Variants in MNAT1 observed in about 807,000 individuals in gnomAD.
The protein encoded by MNAT1 is MNAT1 component of CDK activating kinase.
Under a neutral mutation model 42.0 loss-of-function variants are expected in MNAT1, and 43 were observed. The observed-to-expected ratio is 1.02, with a 90% confidence interval of 0.80 to 1.32. The LOEUF is 1.32. Ranked by LOEUF, MNAT1 falls within the 40% of genes most tolerant of loss-of-function variation. The probability of loss-of-function intolerance (pLI) is 0.00; values close to 1 mark genes in which losing one functional copy is unlikely to be tolerated. For synonymous variants in MNAT1, 118 were observed against 120.0 expected (o/e 0.98, Z 0.11); for missense variants, 306 against 350.4 (o/e 0.87, Z 1.01).
At chr14:60,937,056 C>T (rs1482122644) in intron 7 of MNAT1, among the ~76,000 whole-genome samples, 4 of 151,658 alleles carry the variant, frequency 2.6e-5, no homozygotes, top group East Asian at 1.9e-4. Flanking sequence ...ATCCTTCACC[C>T]ACTTGTTGAT....
At chr14:60,815,430 T>G (rs1163406773) in intron 5 of MNAT1, among the ~76,000 whole-genome samples, 1 of 152,186 alleles carries the variant, frequency 6.6e-6, no homozygotes, top group Non-Finnish European at 1.5e-5. Context: ...TTGGCCAGGC[T>G]GGTCATGAAC....
At chr14:60,926,238 AGGT>A (rs747914708) in intron 7 of MNAT1, among the ~76,000 whole-genome samples, 9 of 152,234 alleles carry the variant, frequency 5.9e-5, no homozygotes, top group Non-Finnish European at 1.0e-4. Context: ...TTCTGACGAC[AGGT>A]GTTGTGGGGT....
At chr14:60,951,193 TC>T (rs2036374897) in intron 7 of MNAT1, among the ~76,000 whole-genome samples, 1 of 151,730 alleles carries the variant, frequency 6.6e-6, no homozygotes, top group African/African-American at 2.4e-5. Flanking sequence ...ATCAAAAAAT[TC>T]TAAACTTAAT....
At chr14:60,836,928 A>G (rs1422781585) in intron 6 of MNAT1, among the ~76,000 whole-genome samples, 2 of 152,180 alleles carry the variant, frequency 1.3e-5, no homozygotes, top group Non-Finnish European at 2.9e-5. Context: ...TCTTTCAGAG[A>G]TACCCTGCCA....
chr14:60,899,237 T>C (rs1238066217), intron 7 of MNAT1, among the ~76,000 whole-genome samples: 1 of 152,224 alleles, frequency 6.6e-6, no homozygotes, highest in African/African-American at 2.4e-5. Context: ...TTCTGTCTTA[T>C]GTTGACATAA....
intron 1 of MNAT1, among the ~76,000 whole-genome samples, chr14:60,750,529 CTTTTTTT>C (rs775053270): frequency 4.2e-4 from 38 of 90,682 alleles, no homozygotes; most frequent in African/African-American, 1.0e-3. Flanking sequence ...TGCGCCCAGC[CTTTTTTT>C]TTTTTTTTTT....
Position 60,740,297 on chromosome 14 carries a change from A to C in MNAT1, c.89+5346A>C, listed in dbSNP as rs1896427970. Among the ~76,000 whole-genome samples the C allele has an allele frequency of 6.6e-6, 1 of 152,218 alleles. No homozygotes were observed. Among genetic ancestry groups the C allele is most frequent in the South Asian group, 2.1e-4 (1 of 4,832 alleles). ...CAAGTACCTACCATCTTGATATATA[A>C]AGGCAATGTTTTGTGATAGTTACTT... is the stretch of plus-strand genomic sequence containing the variant. On this transcript the variant is annotated intron_variant, in intron 1 of 7. Transcript: ENST00000261245. This position sits in a 1 kb window ranked among gnomAD's most constrained non-coding sequence, Gnocchi z 4.1.
chr14:60,923,103 C>G (rs980331084), intron 7 of MNAT1, among the ~76,000 whole-genome samples: 6 of 152,178 alleles, frequency 3.9e-5, no homozygotes, highest in African/African-American at 1.2e-4. Flanking sequence ...CAAATGTACA[C>G]TTTCCTGGAA....
Position 60,877,271 on chromosome 14 carries a change from C to T in MNAT1, c.688-2443C>T, listed in dbSNP as rs554978921. Among the ~76,000 whole-genome samples the T allele has an allele frequency of 5.3e-5, 8 of 152,042 alleles. No homozygotes were observed. In the East Asian group the frequency reaches 9.6e-4, roughly 18 times the overall value. On this transcript the variant is annotated intron_variant, in intron 6 of 7. Coordinates refer to ENST00000261245, the MANE Select transcript of MNAT1 (RefSeq NM_002431.4). ...TGGTGAAATCTCTGTTCAAATCCTT[C>T]GCCTGTTTTTGGTGAAGTACTTTTG...
At chr14:60,739,090 G>C (rs948926260) in intron 1 of MNAT1, among the ~76,000 whole-genome samples, 1 of 152,126 alleles carries the variant, frequency 6.6e-6, no homozygotes, top group Admixed American at 6.5e-5. Context: ...GGAGGCTTCA[G>C]TTCCTCCCCA....
chr14:60,960,604 T>C (rs920921313), intron 7 of MNAT1, among the ~76,000 whole-genome samples: 2 of 152,140 alleles, frequency 1.3e-5, no homozygotes, highest in African/African-American at 4.8e-5. Context: ...TTCCCTTCTT[T>C]CCTCTCCCAC....
intron 6 of MNAT1, among the ~76,000 whole-genome samples, chr14:60,878,136 A>G (rs1353236353): frequency 6.6e-6 from 1 of 152,146 alleles, no homozygotes; most frequent in African/African-American, 2.4e-5. Flanking sequence ...ATGTGAGGAT[A>G]GACTATGCTT....
intron 1 of MNAT1, among the ~76,000 whole-genome samples, chr14:60,745,480 G>A (rs4151161): frequency 0.015 from 2,334 of 152,218 alleles, 46 homozygotes; most frequent in African/African-American, 0.048. Context: ...GCAGTGGTGC[G>A]ATCTTGGCTC....
chr14:60,746,417 A>G (rs992514853), intron 1 of MNAT1, among the ~76,000 whole-genome samples: 2 of 151,750 alleles, frequency 1.3e-5, no homozygotes, highest in African/African-American at 4.8e-5. Flanking sequence ...CGGGAGGATG[A>G]GGCAGGAGAA....
rs3080602 is a variant in MNAT1 at position 60,942,003 on chromosome 14, C to CAAAA, written c.810-26200_810-26197dup. Among the ~76,000 whole-genome samples, 150 of 29,924 alleles carry CAAAA rather than the reference C, an allele frequency of 5.0e-3. 27 individuals carry two copies. Among genetic ancestry groups the CAAAA allele is most frequent in the Admixed American group, 7.0e-3 (10 of 1,428 alleles). 19.6% of individuals were successfully genotyped at this position (29,924 alleles called of 152,430 possible). A position where few individuals can be genotyped will look rare whatever the true frequency, so the allele number is the denominator to read the frequency against. ...TGGGCGACAGAATGAGGCTCCATCT[C>CAAAA]AAAAAAAAAAAAAAAAAAAAAAAAA... On this transcript the variant is annotated intron_variant, in intron 7 of 7. Transcript: ENST00000261245.
At chr14:60,834,180 G>A (rs1225396795) in intron 6 of MNAT1, among the ~76,000 whole-genome samples, 1 of 151,908 alleles carries the variant, frequency 6.6e-6, no homozygotes, top group Non-Finnish European at 1.5e-5. Flanking sequence ...CTTTAGTTCT[G>A]CTCTGATCTT....
rs968169516 is a variant in MNAT1, at chr14:60,811,846, T to G, written c.421-141T>G. 2.3e-5 allele frequency: 13 copies of G among 556,070 alleles called. No homozygotes were observed. In the Admixed American group the frequency reaches 4.7e-4, roughly 20 times the overall value. 34.4% of individuals were successfully genotyped at this position (556,070 alleles called of 1,614,324 possible). On this transcript the variant is annotated intron_variant, in intron 4 of 7. Transcript: ENST00000261245. ...ATGAAATAAAGTAAATTCTATTTTCTTCAATATGGAATTGCTACATTATTA... is the reference window on the plus strand; with the variant it reads ...ATGAAATAAAGTAAATTCTATTTTCGTCAATATGGAATTGCTACATTATTA...
chr14:60,741,582 A>G (rs943793325), intron 1 of MNAT1, among the ~76,000 whole-genome samples: 5 of 146,004 alleles, frequency 3.4e-5, no homozygotes, highest in Non-Finnish European at 7.4e-5. Context: ...GATGGTCTCG[A>G]TCTCCTGACC....
intron 1 of MNAT1, among the ~76,000 whole-genome samples, chr14:60,759,651 C>G (rs1303718347): frequency 6.6e-6 from 1 of 152,142 alleles, no homozygotes; most frequent in Non-Finnish European, 1.5e-5. Context: ...ATAACCTTCT[C>G]AAAAGGAGAC....
Sources: gnomAD v4.1 joint callset for allele counts (sites outside exome capture counted in the v4.1 genomes callset) on GRCh38, gnomAD v4.1.1 for gene constraint, Gnocchi (gnomAD v3.1) non-coding constraint, MANE v1.5 for transcripts, NCBI Gene and HGNC (gene_info 2026-07-23, HGNC 2026-07-21) for gene names.